OSBPL6: variants seen among roughly 807,000 people sequenced by gnomAD.
OSBPL6 encodes the protein oxysterol binding protein like 6, also known as oxysterol-binding protein-related protein 6.
A neutral mutation model predicts 125.8 loss-of-function variants in OSBPL6; 49 were observed. The observed-to-expected ratio is 0.39, with a 90% confidence interval of 0.31 to 0.49. The LOEUF is 0.49. Ranked by LOEUF, OSBPL6 falls within the 20% of genes least tolerant of loss-of-function variation. The probability of loss-of-function intolerance (pLI) is 0.88; values close to 1 mark genes in which losing one functional copy is unlikely to be tolerated. For synonymous variants in OSBPL6, 394 were observed against 391.8 expected (o/e 1.01, Z -0.07); for missense variants, 986 against 1,135.4 (o/e 0.87, Z 1.89).
chr2:178,375,154 C>A (rs899413057), intron 15 of OSBPL6, among the ~76,000 whole-genome samples: 1 of 152,124 alleles, frequency 6.6e-6, no homozygotes, highest in Non-Finnish European at 1.5e-5. Context: ...GCATGGCAAG[C>A]CTAATTCTAG....
chr2:178,392,858 CAAAA>C (rs57057224), intron 23 of OSBPL6, among the ~76,000 whole-genome samples: 3 of 63,130 alleles, frequency 4.8e-5, no homozygotes, highest in Admixed American at 1.8e-4. Context: ...GAGACCCTGG[CAAAA>C]AAAAAAAAAA....
chr2:178,293,421 CA>C (rs1685462920), intron 2 of OSBPL6, among the ~76,000 whole-genome samples: 1 of 152,126 alleles, frequency 6.6e-6, no homozygotes, highest in Non-Finnish European at 1.5e-5. Flanking sequence ...TAAACTTCAG[CA>C]ATCCAATACA....
chr2:178,339,652 T>C lies in OSBPL6; in HGVS notation c.895-20T>C, dbSNP rs146794919. The C allele has an allele frequency of 3.4e-4, 534 of 1,567,506 alleles. 1 individual carries two copies. The African/African-American group carries it at 6.3e-3, about 18-fold the overall frequency. On this transcript the variant is annotated intron_variant, in intron 10 of 24. Coordinates refer to ENST00000190611, the MANE Select transcript of OSBPL6 (RefSeq NM_032523.4). Reference sequence around the variant, plus strand: ...GAACTTAATAATACTTTGTTGCTTTTAACTATTTGTGTAATGTAGGCTAAC... The same window carrying C: ...GAACTTAATAATACTTTGTTGCTTTCAACTATTTGTGTAATGTAGGCTAAC...
intron 6 of OSBPL6, among the ~76,000 whole-genome samples, chr2:178,331,880 G>A (rs1306113196): frequency 6.6e-6 from 1 of 152,128 alleles, no homozygotes; most frequent in Non-Finnish European, 1.5e-5. Flanking sequence ...GATAGAAAAC[G>A]CAAATGGGCT....
chr2:178,200,685 G>A (rs1486902985), intron 1 of OSBPL6, among the ~76,000 whole-genome samples: 1 of 151,862 alleles, frequency 6.6e-6, no homozygotes, highest in African/African-American at 2.4e-5. Flanking sequence ...GTTGTACAGG[G>A]GTGTTCCTTG....
chr2:178,264,141 A>C (rs1406392228), intron 1 of OSBPL6, among the ~76,000 whole-genome samples: 2 of 152,140 alleles, frequency 1.3e-5, no homozygotes, highest in Non-Finnish European at 2.9e-5. Flanking sequence ...TATATCACTC[A>C]GTTCTGAAAA....
At chr2:178,382,308 A>T in intron 15 of OSBPL6, 112 bp from the exon 16 acceptor site, 1 of 1,324,138 alleles carries the variant, frequency 7.6e-7, no homozygotes, top group Non-Finnish European at 1.0e-6. Context: ...TTTTCCCTCT[A>T]GGACCTCTGC....
At chr2:178,268,313 C>A (rs1171506755) in intron 1 of OSBPL6, among the ~76,000 whole-genome samples, 3 of 152,068 alleles carry the variant, frequency 2.0e-5, no homozygotes, top group Non-Finnish European at 4.4e-5. Flanking sequence ...AACTCCTGAC[C>A]TCAGGTGATC....
At chr2:178,225,755 C>T (rs868760863) in intron 1 of OSBPL6, among the ~76,000 whole-genome samples, 5 of 152,142 alleles carry the variant, frequency 3.3e-5, no homozygotes, top group Admixed American at 6.5e-5. Flanking sequence ...GAGAAACTCC[C>T]GTTTTTAAAA....
intron 11 of OSBPL6, among the ~76,000 whole-genome samples, chr2:178,348,320 G>A (rs983935730): frequency 3.3e-5 from 5 of 152,162 alleles, no homozygotes; most frequent in African/African-American, 9.7e-5. Context: ...TTGAATGCAC[G>A]TCTTTGCAGT....
At chr2:178,249,446 T>A (rs2091607962) in intron 1 of OSBPL6, among the ~76,000 whole-genome samples, 1 of 152,208 alleles carries the variant, frequency 6.6e-6, no homozygotes. Context: ...GGATTTTCAC[T>A]ATGATAGTAG....
intron 1 of OSBPL6, among the ~76,000 whole-genome samples, chr2:178,225,812 G>A (rs1305772904): frequency 2.6e-5 from 4 of 152,130 alleles, no homozygotes. Context: ...AACAGCACAG[G>A]AAAGACCCAC....
chr2:178,246,115 C>T (rs565992124), intron 1 of OSBPL6, among the ~76,000 whole-genome samples: 19 of 152,322 alleles, frequency 1.2e-4, no homozygotes, highest in South Asian at 6.2e-4. Flanking sequence ...CCTATCTCCA[C>T]TCCCATATTT....
intron 1 of OSBPL6, among the ~76,000 whole-genome samples, chr2:178,240,025 A>C (rs2091226256): frequency 6.6e-6 from 1 of 152,200 alleles, no homozygotes; most frequent in Admixed American, 6.5e-5. Context: ...CTTACTTGAA[A>C]AAGTTACCCT....
At chr2:178,326,695 G>A (rs995723209) in intron 4 of OSBPL6, among the ~76,000 whole-genome samples, 3 of 152,068 alleles carry the variant, frequency 2.0e-5, no homozygotes, top group African/African-American at 7.2e-5. Flanking sequence ...TAATTGAAAC[G>A]GGGGAACATT....
rs572746950 is a variant in OSBPL6, at chr2:178,390,456, C to T, written c.2302-617C>T. Among the ~76,000 whole-genome samples, 5 of 152,346 alleles carry T rather than the reference C, an allele frequency of 3.3e-5. No homozygotes were observed. In the East Asian group the frequency reaches 7.7e-4, roughly 23 times the overall value. On this transcript the variant is annotated intron_variant, in intron 21 of 24. Transcript: ENST00000190611. ...CACTCTTCAGACCTAAAGGTGCACA[C>T]GCTGGTGGGTGGTCTGCCCTTGGGT...
At position 178,221,220 on chromosome 2, in the gene OSBPL6, A is replaced by G. The variant is rs991495640; in HGVS notation, c.-351+26546A>G. ...GTGCAGTTTAGAGATGGCCAGAGAAAGAATAAGAAAAGAAGATAAATAAAT... is the reference window on the plus strand; with the variant it reads ...GTGCAGTTTAGAGATGGCCAGAGAAGGAATAAGAAAAGAAGATAAATAAAT... On this transcript the variant is annotated intron_variant, in intron 1 of 24. Transcript: ENST00000190611. 7.9e-5 allele frequency among the ~76,000 whole-genome samples: 12 copies of G among 152,388 alleles called. No homozygotes were observed. The East Asian group carries it at 1.7e-3, about 22-fold the overall frequency.
chr2:178,389,291 C>A, intron 21 of OSBPL6, 138 bp downstream of exon 21: 1 of 857,772 alleles, frequency 1.2e-6, no homozygotes, highest in Non-Finnish European at 1.7e-6. Flanking sequence ...GATAAGAAAG[C>A]AGAACAAACT....
chr2:178,335,647 A>G (rs1263226674), intron 8 of OSBPL6, among the ~76,000 whole-genome samples: 2 of 152,148 alleles, frequency 1.3e-5, no homozygotes, highest in Middle Eastern at 3.2e-3. Context: ...AATTATTTCA[A>G]TTTTTTAAGA....
Sources: gnomAD v4.1 joint callset for allele counts (sites outside exome capture counted in the v4.1 genomes callset) on GRCh38, gnomAD v4.1.1 for gene constraint, MANE v1.5 for transcripts, NCBI Gene and HGNC (gene_info 2026-07-23, HGNC 2026-07-21) for gene names.